The following CERK variants were observed in gnomAD, a reference collection of about 807,000 sequenced individuals.
CERK encodes ceramide kinase.
CERK carries 39 observed loss-of-function variants against 63.4 expected under a neutral mutation model. That is an observed-to-expected ratio of 0.61 (90% confidence interval 0.48 to 0.80). CERK has a LOEUF of 0.80. Among genes scored for constraint, CERK ranks in the 30% least tolerant of loss-of-function variants. The pLI, the probability that CERK is intolerant of heterozygous loss-of-function variation, is 0.00. For synonymous variants in CERK, 302 were observed against 280.0 expected, an observed-to-expected ratio of 1.08 and a Z score of -0.78; for missense variants, 670 against 714.1, an observed-to-expected ratio of 0.94 and a Z score of 0.70.
chr22:46,738,249 C>CT lies in CERK; in HGVS notation c.-102_-101insA, dbSNP rs1303368401. ...AGTGGCCCGGGCGGCGGGCGGCGGG[C>CT]GGCGGGAGGCGGCGCTGCGTCACCC... On this transcript the variant is annotated 5_prime_UTR_variant, in exon 1 of 13. Coordinates refer to ENST00000216264, the MANE Select transcript of CERK (RefSeq NM_022766.6). 112 of 718,812 alleles carry CT rather than the reference C, an allele frequency of 1.6e-4. No individual in the cohort carries two copies. The African/African-American group carries it at 1.7e-3, about 11-fold the overall frequency. 44.5% of individuals were successfully genotyped at this position (718,812 alleles called of 1,614,324 possible).
rs2082772422 is a variant in CERK at position 46,699,434 on chromosome 22, G to A, written c.822C>T (p.Val274=). The A allele has an allele frequency of 6.2e-7, 1 of 1,614,182 alleles. No individual in the cohort carries two copies. The highest frequency in any genetic ancestry group is 8.5e-7 in the Non-Finnish European group (1 of 1,180,022). ...AGCGAAGGAGTGTGCTGTTGTGGTG[G>A]ACTGAGGACACATCCATGGCCAGCG... ...GDSLAMDVSS[V]HHNSTLLRYS... is the part of the protein sequence containing the mutation. The change falls in exon 8 of 13, where the codon GTC becomes GTT. Residue 274 remains valine, a synonymous_variant. Coordinates refer to ENST00000216264, the MANE Select transcript of CERK (RefSeq NM_022766.6).
intron 3 of CERK, among the ~76,000 whole-genome samples, chr22:46,713,372 G>C (rs1320582206): frequency 6.6e-6 from 1 of 151,616 alleles, no homozygotes; most frequent in East Asian, 2.0e-4. Context: ...AGCCGGGCGT[G>C]GTGGCGGGCA....
chr22:46,709,129 A>C (rs1232195055), intron 5 of CERK, among the ~76,000 whole-genome samples: 1 of 152,186 alleles, frequency 6.6e-6, no homozygotes, highest in Admixed American at 6.5e-5. Context: ...AGGACAGGGC[A>C]TCCTTGAATG....
intron 1 of CERK, among the ~76,000 whole-genome samples, chr22:46,734,088 A>ATATG (rs3083467): frequency 2.0e-5 from 3 of 149,660 alleles, no homozygotes; most frequent in Admixed American, 6.7e-5. Flanking sequence ...ATATATATAT[A>ATATG]CATTTTCCTA....
chr22:46,738,077 G>A lies in CERK; in HGVS notation c.72C>T (p.Ser24=). The change falls in exon 1 of 13, where the codon AGC becomes AGT. Residue 24 remains serine (S), a synonymous_variant. Transcript: ENST00000216264. ...GCAGCAGAGCCCGCGCGGGCTCCAG[G>A]CTCACGGCGCAGCGCTGCTGCTTCA... ...LWVKQQRCAV[S]LEPARALLRW... The A allele has an allele frequency of 7.8e-7, 1 of 1,279,146 alleles. No homozygotes were observed. 79.2% of individuals were successfully genotyped at this position (1,279,146 alleles called of 1,614,324 possible).
At chr22:46,690,955 ATGTATG>A (rs1199724935) in intron 11 of CERK, among the ~76,000 whole-genome samples, 1 of 151,842 alleles carries the variant, frequency 6.6e-6, no homozygotes, top group African/African-American at 2.4e-5. Context: ...ATATGTATGT[ATGTATG>A]TGTGTGTATA....
chr22:46,720,980 C>A lies in CERK; in HGVS notation c.178G>T (p.Val60Phe). The change falls in exon 2 of 13, where the codon GTT (valine) becomes TTT (phenylalanine). Residue 60 changes from valine to phenylalanine, a missense_variant. Val to Phe is a conservative substitution (Grantham distance 50). Coordinates refer to ENST00000216264, the MANE Select transcript of CERK (RefSeq NM_022766.6). ...TTCCCGTGAACGTCTGTTTCCTCAA[C>A]GGCGATGATCTCAGATACAGGCACA... ...CSVPVSEIIA[V>F]EETDVHGKHQ... is the part of the protein sequence containing the mutation. 1 of 1,613,616 alleles carries A rather than the reference C, an allele frequency of 6.2e-7. No homozygotes were observed. Among genetic ancestry groups the A allele is most frequent in the East Asian group, 2.2e-5 (1 of 44,858 alleles).
chr22:46,692,425 TTAA>T, intron 10 of CERK, among the ~76,000 whole-genome samples: 1 of 109,586 alleles, frequency 9.1e-6, no homozygotes, highest in East Asian at 2.5e-4. Context: ...AAACTCTGTC[TTAA>T]AAAAAAAAAA....
Position 46,708,001 on chromosome 22 carries a change from C to A in CERK, c.570-13G>T. 6.3e-7 allele frequency: 1 copy of A among 1,590,944 alleles called. No individual in the cohort carries two copies. The highest frequency in any genetic ancestry group is 1.1e-5 in the South Asian group (1 of 89,604). The stretch of plus-strand genomic sequence containing the variant: ...GACACAGACGATGCTGCAGGAGGAA[C>A]ACAGCCGGTCAGGGCTCCTGCAGGT... On this transcript the variant is annotated splice_polypyrimidine_tract_variant and intron_variant, in intron 5 of 12. Transcript: ENST00000216264.
At chr22:46,693,341 G>T in intron 10 of CERK, 86 bp downstream of exon 10, 2 of 1,067,116 alleles carry the variant, frequency 1.9e-6, no homozygotes, top group South Asian at 1.3e-5. Flanking sequence ...GGTGGGCAGG[G>T]AGAAGAGGCA....
chr22:46,724,215 T>C (rs910961838), intron 1 of CERK, among the ~76,000 whole-genome samples: 7 of 152,144 alleles, frequency 4.6e-5, no homozygotes, highest in Non-Finnish European at 1.0e-4. Context: ...CTCTTCCTTA[T>C]GGTTTTCTTA....
rs554068766 is a variant in CERK at position 46,723,709 on chromosome 22, C to CT, written c.143-2695dup. On this transcript the variant is annotated intron_variant, in intron 1 of 12. Coordinates refer to ENST00000216264, the MANE Select transcript of CERK (RefSeq NM_022766.6). ...GGGTCCACTAATGTGGGGTTTTCTT[C>CT]TTTTTTTTTTGTTTTTGAAATGGAG... Among the ~76,000 whole-genome samples, 313 of 147,312 alleles carry CT rather than the reference C, an allele frequency of 2.1e-3. 1 individual carries two copies. Among genetic ancestry groups the CT allele is most frequent in the African/African-American group, 6.5e-3 (263 of 40,402 alleles).
intron 3 of CERK, among the ~76,000 whole-genome samples, chr22:46,718,754 T>C (rs894655203): frequency 2.0e-5 from 3 of 152,218 alleles, no homozygotes; most frequent in African/African-American, 7.2e-5. Context: ...TTCTATTCTA[T>C]GGGTGAAGCC....
intron 1 of CERK, among the ~76,000 whole-genome samples, chr22:46,733,826 G>C (rs1381229969): frequency 6.6e-6 from 1 of 151,542 alleles, no homozygotes; most frequent in Non-Finnish European, 1.5e-5. Flanking sequence ...CAGATCATCT[G>C]AGGTCAGGAG....
At chr22:46,734,793 G>A (rs138137267) in intron 1 of CERK, among the ~76,000 whole-genome samples, 3 of 152,254 alleles carry the variant, frequency 2.0e-5, no homozygotes, top group Non-Finnish European at 4.4e-5. Context: ...CGTCTAAGTC[G>A]AAGAGTGACT....
chr22:46,736,531 C>A (rs534488398), intron 1 of CERK, among the ~76,000 whole-genome samples: 2 of 152,238 alleles, frequency 1.3e-5, no homozygotes, highest in African/African-American at 4.8e-5. Context: ...AGGCAGTCAT[C>A]TTCCTGAAGC....
intron 5 of CERK, among the ~76,000 whole-genome samples, chr22:46,709,364 T>C (rs2082829224): frequency 6.6e-6 from 1 of 152,308 alleles, no homozygotes; most frequent in Non-Finnish European, 1.5e-5. Context: ...ACTGTCTTCC[T>C]GCCAAGCTGC....
intron 3 of CERK, among the ~76,000 whole-genome samples, chr22:46,713,519 A>C (rs554279899): frequency 1.8e-4 from 27 of 150,164 alleles, no homozygotes; most frequent in Admixed American, 1.5e-3. Context: ...AAAAAAAAAA[A>C]AAAAAAAAAA....
intron 7 of CERK, among the ~76,000 whole-genome samples, chr22:46,700,955 G>A (rs1209107248): frequency 6.6e-6 from 1 of 151,600 alleles, no homozygotes; most frequent in African/African-American, 2.4e-5. Flanking sequence ...AAGTTGCGGT[G>A]AGCCAAGATA....
Sources: gnomAD v4.1 joint callset for allele counts (sites outside exome capture counted in the v4.1 genomes callset) on GRCh38, gnomAD v4.1.1 for gene constraint, MANE v1.5 for transcripts, NCBI Gene and HGNC (gene_info 2026-07-23, HGNC 2026-07-21) for gene names.